Variants in PLEKHG5 observed in about 807,000 individuals in gnomAD.
PLEKHG5 encodes the protein pleckstrin homology and RhoGEF domain containing G5.
PLEKHG5 carries 52 observed loss-of-function variants against 103.8 expected under a neutral mutation model. The observed-to-expected ratio is 0.50, with a 90% CI of 0.40 to 0.63. The LOEUF (loss-of-function observed/expected upper bound fraction) is 0.63, where lower values mean the gene tolerates loss of function less well. Ranked by LOEUF, PLEKHG5 falls within the 30% of genes least tolerant of loss-of-function variation. PLEKHG5 has a pLI of 0.00. For missense variants in PLEKHG5, 1,205 were observed against 1,347.6 expected, an observed-to-expected ratio of 0.89 and a Z score of 1.66; for synonymous variants, 592 against 575.5, an observed-to-expected ratio of 1.03 and a Z score of -0.41.
intron 1 of PLEKHG5, among the ~76,000 whole-genome samples, chr1:6,504,012 G>A (rs1638228805): frequency 6.6e-6 from 1 of 152,240 alleles, no homozygotes; most frequent in South Asian, 2.1e-4. Flanking sequence ...ACCCTGCCAA[G>A]GGGAGCACAG....
At chr1:6,485,609 G>A (rs1298588269) in intron 1 of PLEKHG5, 3 of 494,604 alleles carry the variant, frequency 6.1e-6, no homozygotes, top group Non-Finnish European at 8.0e-6. Flanking sequence ...CCTCCCTCCC[G>A]CCCGGGCCCT....
chr1:6,510,535 A>G (rs1395535957), intron 1 of PLEKHG5, among the ~76,000 whole-genome samples: 1 of 152,022 alleles, frequency 6.6e-6, no homozygotes, highest in African/African-American at 2.4e-5. Flanking sequence ...GGTTGCAGTG[A>G]GCTGAGATCA....
exon 1 of PLEKHG5, chr1:6,519,495 G>A: frequency 6.2e-7 from 1 of 1,613,920 alleles, no homozygotes. Context: ...CCCATGTTTT[G>A]TCAGGACTGA....
At chr1:6,500,383 G>A (rs1437496088), upstream of PLEKHG5, among the ~76,000 whole-genome samples, 2 of 152,106 alleles carry the variant, frequency 1.3e-5, no homozygotes, top group Non-Finnish European at 2.9e-5. Context: ...GGTGGCAGGG[G>A]GGCGGCCTCC....
At chr1:6,477,689 C>T (rs1644800391) in intron 1 of PLEKHG5, 31 bp from the exon 2 acceptor site, 1 of 1,598,544 alleles carries the variant, frequency 6.3e-7, no homozygotes, top group East Asian at 2.2e-5. Flanking sequence ...TTCAGGAGGT[C>T]CACGAGATCC....
rs568255219 is a variant in PLEKHG5 at position 6,487,761 on chromosome 1, C to T, written c.-88+3876G>A. 9.2e-5 allele frequency among the ~76,000 whole-genome samples: 14 copies of T among 152,226 alleles called. No individual in the cohort carries two copies. Among genetic ancestry groups the T allele is most frequent in the Admixed American group, 5.2e-4 (8 of 15,284 alleles). On this transcript the variant is annotated intron_variant, in intron 1 of 20. Transcript: ENST00000377728. This position sits in a 1 kb window ranked among gnomAD's most constrained non-coding sequence, Gnocchi z 4.1. ...GTTTATTACTACCTGTAATTCATTTCTTTGTTCACTTTTTTATCATCATTC... is the reference window on the plus strand; with the variant it reads ...GTTTATTACTACCTGTAATTCATTTTTTTGTTCACTTTTTTATCATCATTC...
chr1:6,475,985 C>A lies in PLEKHG5; in HGVS notation c.95G>T (p.Ser32Ile), dbSNP rs763262703. The change falls in exon 3 of 21, where the codon AGC (serine) becomes ATC (isoleucine). Residue 32 changes from serine (S) to isoleucine (I), a missense_variant. Ser to Ile is a moderately radical substitution (Grantham distance 142). Coordinates refer to ENST00000377728, the MANE Select transcript of PLEKHG5 (RefSeq NM_020631.6). ...CTCCTCCTCCAAGTCCACTGCGGGG[C>A]TGGTGCGCGGCGGGCATGACCGGGT... ...VSTRSCPPRTSPAVDLEEEEE... is the reference protein window; with the variant it reads ...VSTRSCPPRTIPAVDLEEEEE... 3.1e-6 allele frequency: 5 copies of A among 1,613,960 alleles called. No individual in the cohort carries two copies. Among genetic ancestry groups the A allele is most frequent in the Non-Finnish European group, 4.2e-6 (5 of 1,180,036 alleles).
chr1:6,473,438 C>A lies in PLEKHG5; in HGVS notation c.608G>T (p.Arg203Leu). 1.3e-6 allele frequency: 2 copies of A among 1,533,622 alleles called. No individual in the cohort carries two copies. The highest frequency in any genetic ancestry group is 1.2e-5 in the South Asian group (1 of 82,900). Residue 203 changes from arginine to leucine, a missense_variant, in exon 8 of 21, where the codon CGC (arginine) becomes CTC (leucine). Physicochemically the swap from Arg to Leu is moderately radical, Grantham distance 102. Coordinates refer to ENST00000377728, the MANE Select transcript of PLEKHG5 (RefSeq NM_020631.6). ...SLDILAPGRR[R>L]KNMSEFLGEA... ...CCCCAGGAACTCCGACATGTTCTTGCGGCGGCGGCCAGGGGCCTGGTCAGG... is the reference window on the plus strand; with the variant it reads ...CCCCAGGAACTCCGACATGTTCTTGAGGCGGCGGCCAGGGGCCTGGTCAGG...
intron 7 of PLEKHG5, 58 bp from the exon 8 acceptor site, chr1:6,473,512 C>A: frequency 7.1e-7 from 1 of 1,404,804 alleles, no homozygotes; most frequent in Non-Finnish European, 9.4e-7. Context: ...TGGCCCCACC[C>A]CAGGGCGGGT....
chr1:6,500,223 A>G (rs1266526439), upstream of PLEKHG5, among the ~76,000 whole-genome samples: 1 of 152,142 alleles, frequency 6.6e-6, no homozygotes, highest in Non-Finnish European at 1.5e-5. Context: ...TGGGCCCTGG[A>G]GACTTGAGTC....
At chr1:6,477,966 C>T (rs1436205899) in intron 1 of PLEKHG5, among the ~76,000 whole-genome samples, 5 of 152,114 alleles carry the variant, frequency 3.3e-5, no homozygotes, top group African/African-American at 1.2e-4. Flanking sequence ...CTGCAACCTC[C>T]GCCTCCTGGT....
upstream of PLEKHG5, among the ~76,000 whole-genome samples, chr1:6,492,140 G>A (rs1253144986): frequency 6.6e-6 from 1 of 152,194 alleles, no homozygotes; most frequent in Non-Finnish European, 1.5e-5. Flanking sequence ...CGCAGCGGGG[G>A]AGGCGGCCAG....
chr1:6,505,539 T>A lies in PLEKHG5; in HGVS notation c.-164-8970A>T, dbSNP rs1457111728. On this transcript the variant is annotated intron_variant, in intron 1 of 21. Transcript: ENST00000377740. This position sits in a 1 kb window ranked among gnomAD's most constrained non-coding sequence, Gnocchi z 4.2. Reference sequence around the variant, plus strand: ...TAAACACAAGCCACGGGGCTCAGCGTCCCCGAGAGCTCATCCTGCCTCTTC... The same window carrying A: ...TAAACACAAGCCACGGGGCTCAGCGACCCCGAGAGCTCATCCTGCCTCTTC... Among the ~76,000 whole-genome samples the A allele has an allele frequency of 6.6e-6, 1 of 152,020 alleles. No homozygotes were observed. Among genetic ancestry groups the A allele is most frequent in the East Asian group, 1.9e-4 (1 of 5,194 alleles).
upstream of PLEKHG5, chr1:6,497,352 G>T: frequency 1.9e-6 from 2 of 1,066,456 alleles, no homozygotes; most frequent in Non-Finnish European, 2.3e-6. This position sits in a 1 kb window ranked among gnomAD's most constrained non-coding sequence, Gnocchi z 6.1. Context: ...CGCGGGGGGC[G>T]GGCGGCGGGC....
Position 6,471,597 on chromosome 1 carries a change from G to T in PLEKHG5, c.1172C>A (p.Ala391Glu). 5.0e-6 allele frequency: 8 copies of T among 1,596,052 alleles called. No individual in the cohort carries two copies. The highest frequency in any genetic ancestry group is 6.0e-6 in the Non-Finnish European group (7 of 1,172,378). ...AGCCCACAGCCTGCGGTGCAGCTGC[G>T]CGATCTCCGGGATGTTGCTGAACAG... is the stretch of plus-strand genomic sequence containing the variant. ...ERLFSNIPEI[A>E]QLHRRLWASV... Residue 391 changes from alanine (A) to glutamate (E), a missense_variant, in exon 12 of 21, where the codon GCG (alanine) becomes GAG (glutamate). Physicochemically the swap from Ala to Glu is moderately radical, Grantham distance 107 (BLOSUM62 -1). Transcript: ENST00000377728.
rs570279982 is a variant in PLEKHG5 at position 6,505,246 on chromosome 1, G to A, written c.-164-8677C>T. ...AGCTAGGTCCCCAGCCCACAGTGCCGGTCAGCCCACTGTGCCGACCAGCCT... is the reference window on the plus strand; with the variant it reads ...AGCTAGGTCCCCAGCCCACAGTGCCAGTCAGCCCACTGTGCCGACCAGCCT... On this transcript the variant is annotated intron_variant, in intron 1 of 21. Transcript: ENST00000377740. This position sits in a 1 kb window ranked among gnomAD's most constrained non-coding sequence, Gnocchi z 4.2. 4.6e-5 allele frequency among the ~76,000 whole-genome samples: 7 copies of A among 152,128 alleles called. No individual in the cohort carries two copies. The East Asian group carries it at 7.7e-4, about 17-fold the overall frequency.
At chr1:6,478,890 T>C (rs1350541379) in intron 1 of PLEKHG5, among the ~76,000 whole-genome samples, 1 of 152,048 alleles carries the variant, frequency 6.6e-6, no homozygotes, top group Non-Finnish European at 1.5e-5. Flanking sequence ...GTGATCCGCC[T>C]GCCTCGGCCT....
At chr1:6,500,892 C>G (rs1363173393), upstream of PLEKHG5, among the ~76,000 whole-genome samples, 1 of 152,180 alleles carries the variant, frequency 6.6e-6, no homozygotes, top group Non-Finnish European at 1.5e-5. Flanking sequence ...CAGTTCTCCC[C>G]CGACCCTGTC....
intron 1 of PLEKHG5, among the ~76,000 whole-genome samples, chr1:6,516,767 G>GTGTGTA (rs1553180690): frequency 4.1e-5 from 6 of 146,520 alleles, no homozygotes; most frequent in Non-Finnish European, 7.4e-5. Flanking sequence ...ATATATATGT[G>GTGTGTA]TATATATATG....
Sources: gnomAD v4.1 joint callset for allele counts (sites outside exome capture counted in the v4.1 genomes callset) on GRCh38, gnomAD v4.1.1 for gene constraint, Gnocchi (gnomAD v3.1) non-coding constraint, MANE v1.5 for transcripts, NCBI Gene and HGNC (gene_info 2026-07-23, HGNC 2026-07-21) for gene names.